GMDS: variants seen among roughly 807,000 people sequenced by gnomAD.
GMDS encodes the protein GDP-mannose 4,6 dehydratase.
GMDS carries 20 observed loss-of-function variants against 49.9 expected under a neutral mutation model. The ratio of observed to expected loss-of-function variants is 0.40; its 90% CI spans 0.28 to 0.58. The LOEUF is 0.58. Ranked by LOEUF, GMDS falls within the 20% of genes least tolerant of loss-of-function variation. The pLI is 0.42. For synonymous variants in GMDS, 177 were observed against 178.6 expected (o/e 0.99, Z 0.07); for missense variants, 362 against 481.4 (o/e 0.75, Z 2.32).
intron 4 of GMDS, among the ~76,000 whole-genome samples, chr6:1,968,208 T>A (rs1386783777): frequency 2.6e-5 from 4 of 152,220 alleles, no homozygotes; most frequent in African/African-American, 9.6e-5. Context: ...ATGCCACTAT[T>A]CACATATAAT....
chr6:2,019,858 C>T (rs942886666), intron 4 of GMDS, among the ~76,000 whole-genome samples: 2 of 152,104 alleles, frequency 1.3e-5, no homozygotes, highest in African/African-American at 2.4e-5. Flanking sequence ...GGTGTTTGCC[C>T]TTTGTTCTAC....
intron 7 of GMDS, among the ~76,000 whole-genome samples, chr6:1,918,880 G>A (rs1012220528): frequency 1.3e-5 from 2 of 152,192 alleles, no homozygotes; most frequent in Admixed American, 1.3e-4. Flanking sequence ...TTTATGATCT[G>A]CACTCAACCA....
chr6:2,018,080 C>T (rs535549809), intron 4 of GMDS, among the ~76,000 whole-genome samples: 39 of 152,288 alleles, frequency 2.6e-4, no homozygotes, highest in African/African-American at 9.1e-4. Context: ...AAAACCTTTA[C>T]AATTTTTGTT....
intron 1 of GMDS, among the ~76,000 whole-genome samples, chr6:2,155,576 C>T (rs1777073466): frequency 6.6e-6 from 1 of 152,100 alleles, no homozygotes; most frequent in African/African-American, 2.4e-5. Context: ...ATCTGACTGA[C>T]AGGAGAAGAT....
rs151056314 is a variant in GMDS, at chr6:2,193,244, G to A, written c.102+52077C>T. ...AAAACCTGTTTATAATTGTCTGAGC[G>A]TAAAACCTCACTCAAGTTATTACAT... On this transcript the variant is annotated intron_variant, in intron 1 of 10. Transcript: ENST00000380815. Among the ~76,000 whole-genome samples the A allele has an allele frequency of 6.2e-3, 945 of 152,332 alleles. 3 individuals are homozygous for A. Among genetic ancestry groups the A allele is most frequent in the Middle Eastern group, 0.017 (5 of 294 alleles).
chr6:2,043,290 A>G (rs534681004), intron 4 of GMDS: 3 of 152,382 alleles, frequency 2.0e-5, no homozygotes, highest in South Asian at 4.1e-4. Flanking sequence ...GCTCCTGCAA[A>G]TCTTTACTAT....
chr6:2,108,369 AT>A (rs1195235823), intron 4 of GMDS, among the ~76,000 whole-genome samples: 1 of 151,118 alleles, frequency 6.6e-6, no homozygotes, highest in Non-Finnish European at 1.5e-5. Context: ...GATATTCAAA[AT>A]TTTAAATTTT....
chr6:1,913,152 C>G (rs954452402), intron 7 of GMDS, among the ~76,000 whole-genome samples: 1 of 151,910 alleles, frequency 6.6e-6, no homozygotes, highest in East Asian at 1.9e-4. Context: ...GAGGCCGAGG[C>G]GGGCGGATCA....
chr6:2,084,338 C>G (rs1025727322), intron 4 of GMDS, among the ~76,000 whole-genome samples: 2 of 152,078 alleles, frequency 1.3e-5, no homozygotes, highest in Non-Finnish European at 2.9e-5. Flanking sequence ...CATAAACATA[C>G]CCTTTTTCAT....
At chr6:1,797,032 G>C (rs1769763664) in intron 7 of GMDS, among the ~76,000 whole-genome samples, 1 of 152,186 alleles carries the variant, frequency 6.6e-6, no homozygotes, top group African/African-American at 2.4e-5. Context: ...CCAGGCCAGG[G>C]ACCAGTACCA....
intron 4 of GMDS, among the ~76,000 whole-genome samples, chr6:2,011,957 T>C (rs973480092): frequency 6.6e-6 from 1 of 152,176 alleles, no homozygotes; most frequent in Non-Finnish European, 1.5e-5. Flanking sequence ...ATCATGTCTT[T>C]TCTAGCAATG....
chr6:2,119,211 G>C (rs1333253352), intron 2 of GMDS, among the ~76,000 whole-genome samples: 1 of 152,094 alleles, frequency 6.6e-6, no homozygotes, highest in Non-Finnish European at 1.5e-5. Context: ...CCAAAATATA[G>C]AGACATGCCA....
At position 1,833,077 on chromosome 6, in the gene GMDS, C is replaced by T. The variant is rs937060560; in HGVS notation, c.772-90491G>A. ...CACACAAAGGACGGAAAATTGCTGG[C>T]GCCGCTGGACCTGTGCCCAGCTCAC... On this transcript the variant is annotated intron_variant, in intron 7 of 10. Transcript: ENST00000380815. The surrounding 1 kb of genome is among the most constrained non-coding windows in gnomAD (Gnocchi z 4.4). 2.5e-4 allele frequency among the ~76,000 whole-genome samples: 38 copies of T among 150,034 alleles called. No individual in the cohort carries two copies. Among genetic ancestry groups the T allele is most frequent in the South Asian group, 2.4e-3 (11 of 4,668 alleles).
intron 1 of GMDS, among the ~76,000 whole-genome samples, chr6:2,200,887 C>A (rs1225151932): frequency 7.1e-6 from 1 of 140,886 alleles, no homozygotes; most frequent in Non-Finnish European, 1.5e-5. Context: ...AGAGAGAGCA[C>A]CAAATGGGCA....
chr6:2,007,294 G>A (rs775806724), intron 4 of GMDS, among the ~76,000 whole-genome samples: 8 of 152,152 alleles, frequency 5.3e-5, no homozygotes, highest in Non-Finnish European at 7.3e-5. Context: ...ACCAATGCAA[G>A]TAATACCATT....
intron 1 of GMDS, among the ~76,000 whole-genome samples, chr6:2,215,858 T>C (rs964840549): frequency 2.0e-5 from 3 of 152,206 alleles, no homozygotes; most frequent in Admixed American, 6.5e-5. Flanking sequence ...ATTATTAACT[T>C]AGTAAATACA....
intron 1 of GMDS, among the ~76,000 whole-genome samples, chr6:2,156,732 G>A (rs549256252): frequency 3.9e-5 from 6 of 151,924 alleles, no homozygotes; most frequent in South Asian, 4.2e-4. Flanking sequence ...AATATGTCTC[G>A]GGGTAGATAT....
intron 4 of GMDS, among the ~76,000 whole-genome samples, chr6:2,051,005 G>A (rs1770360086): frequency 6.6e-6 from 1 of 152,102 alleles, no homozygotes; most frequent in South Asian, 2.1e-4. Context: ...AATATCTAAT[G>A]TAAATAATGA....
In GMDS at chr6:2,035,545, C is replaced by T. The variant is rs183873552; in HGVS notation, c.346-74579G>A. On this transcript the variant is annotated intron_variant, in intron 4 of 10. Coordinates refer to ENST00000380815, the MANE Select transcript of GMDS (RefSeq NM_001500.4). ...ATTCATTTCTGTATCCCCCATCATA[C>T]ATACCAAGAGACTTCTCTCCTAAAT... Among the ~76,000 whole-genome samples the T allele has an allele frequency of 1.3e-3, 199 of 152,250 alleles. 3 individuals are homozygous for T. The highest frequency in any genetic ancestry group is 4.6e-3 in the African/African-American group (192 of 41,534).
Sources: gnomAD v4.1 joint callset for allele counts (sites outside exome capture counted in the v4.1 genomes callset) on GRCh38, gnomAD v4.1.1 for gene constraint, Gnocchi (gnomAD v3.1) non-coding constraint, MANE v1.5 for transcripts, NCBI Gene and HGNC (gene_info 2026-07-23, HGNC 2026-07-21) for gene names.